DCAF4: variants seen among roughly 807,000 people sequenced by gnomAD.
DCAF4 encodes DDB1 and CUL4 associated factor 4.
In DCAF4, 37 loss-of-function variants were observed where a neutral mutation model predicts 60.9. The observed-to-expected ratio is 0.61, with a 90% CI of 0.47 to 0.80. DCAF4 has a LOEUF of 0.80. Ranked by LOEUF, DCAF4 falls within the 30% of genes least tolerant of loss-of-function variation. The probability of loss-of-function intolerance (pLI) is 0.00; values close to 1 mark genes in which losing one functional copy is unlikely to be tolerated. For synonymous variants in DCAF4, 243 were observed against 254.8 expected (o/e 0.95, Z 0.44); for missense variants, 577 against 650.0 (o/e 0.89, Z 1.22).
chr14:72,952,058 C>G (rs1891493071), intron 9 of DCAF4, among the ~76,000 whole-genome samples, 181 bp downstream of exon 9: 1 of 152,102 alleles, frequency 6.6e-6, no homozygotes, highest in Admixed American at 6.6e-5. Context: ...TTTTACCCAT[C>G]TTGGGCCATT....
chr14:72,947,715 G>A (rs1890920081), intron 8 of DCAF4, among the ~76,000 whole-genome samples: 2 of 152,198 alleles, frequency 1.3e-5, no homozygotes, highest in Admixed American at 6.5e-5. Flanking sequence ...GAAGCTGAGG[G>A]CAAGGTCAGA....
chr14:72,941,209 G>A (rs965040008), intron 4 of DCAF4, among the ~76,000 whole-genome samples: 5 of 151,972 alleles, frequency 3.3e-5, no homozygotes, highest in South Asian at 2.1e-4. Flanking sequence ...CAAGTAATCC[G>A]CCCACCTTGG....
chr14:72,951,993 G>C, intron 9 of DCAF4, 116 bp downstream of exon 9: 2 of 1,090,962 alleles, frequency 1.8e-6, no homozygotes, highest in Non-Finnish European at 2.8e-6. Context: ...GATTCCCTAA[G>C]CCTGTCCCAG....
chr14:72,939,961 G>C (rs1437210117), intron 3 of DCAF4, 59 bp downstream of exon 3: 1 of 1,451,018 alleles, frequency 6.9e-7, no homozygotes, highest in Non-Finnish European at 9.3e-7. Context: ...GCTGAGACCC[G>C]TTCCTGGCTT....
intron 7 of DCAF4, 67 bp from the exon 8 acceptor site, chr14:72,947,073 CAT>C (rs1295114107): frequency 4.5e-5 from 71 of 1,595,348 alleles, no homozygotes; most frequent in Non-Finnish European, 5.7e-5. Flanking sequence ...TGTGTCCCCA[CAT>C]GTTATTCCAC....
At chr14:72,941,241 AG>A (rs1156522179) in intron 4 of DCAF4, among the ~76,000 whole-genome samples, 1 of 152,210 alleles carries the variant, frequency 6.6e-6, no homozygotes, top group Non-Finnish European at 1.5e-5. Context: ...GTGGGATTAG[AG>A]GTGTGAGCCA....
chr14:72,937,952 T>C lies in DCAF4; in HGVS notation c.-8-19T>C. ...CCCACACACAGAGATGTATGGATTT[T>C]TTTGTTTTTCTCTTTTAGGAACAGA... On this transcript the variant is annotated intron_variant, in intron 1 of 13. Transcript: ENST00000358377. 1 of 1,575,418 alleles carries C rather than the reference T, an allele frequency of 6.3e-7. No individual in the cohort carries two copies. The highest frequency in any genetic ancestry group is 8.6e-7 in the Non-Finnish European group (1 of 1,167,456).
chr14:72,953,826 G>GTGTGTGTGTGTA, intron 9 of DCAF4, among the ~76,000 whole-genome samples: 1 of 86,586 alleles, frequency 1.2e-5, no homozygotes, highest in South Asian at 3.8e-4. Flanking sequence ...GTGTGTGTGT[G>GTGTGTGTGTGTA]TGTATATACA....
intron 1 of DCAF4, among the ~76,000 whole-genome samples, chr14:72,933,664 C>T (rs17781758): frequency 0.047 from 7,226 of 152,218 alleles, 234 homozygotes; most frequent in Non-Finnish European, 0.074. Context: ...AAATCTGTCT[C>T]TTTAGGCTCA....
At chr14:72,937,724 G>A (rs1354967430) in intron 1 of DCAF4, among the ~76,000 whole-genome samples, 1 of 152,002 alleles carries the variant, frequency 6.6e-6, no homozygotes, top group Non-Finnish European at 1.5e-5. Flanking sequence ...TGGCCGACCT[G>A]GCAACGTTTC....
At chr14:72,948,671 G>A (rs754243465) in intron 8 of DCAF4, among the ~76,000 whole-genome samples, 1 of 152,236 alleles carries the variant, frequency 6.6e-6, no homozygotes, top group Non-Finnish European at 1.5e-5. Flanking sequence ...TGGATGGTCT[G>A]TTGTAGCTTC....
chr14:72,943,188 G>A (rs1890279233), intron 6 of DCAF4, 92 bp downstream of exon 6: 6 of 1,174,812 alleles, frequency 5.1e-6, no homozygotes, highest in South Asian at 1.4e-5. Flanking sequence ...CCTGGCTCTG[G>A]AGAAGCCAAC....
intron 8 of DCAF4, among the ~76,000 whole-genome samples, chr14:72,950,666 T>A (rs1891292892): frequency 6.6e-6 from 1 of 152,036 alleles, no homozygotes; most frequent in Admixed American, 6.5e-5. Context: ...CTCCAACGAC[T>A]ATGCTCATGT....
At position 72,928,187 on chromosome 14, in the gene DCAF4, C is replaced by CTTTTTTTTTTTTTTTTTTTTTTTTTTT. The variant is rs565229070; in HGVS notation, c.-9+1667_-9+1668insTTTTTTTTTTTTTTTTTTTTTTTTTTT. On this transcript the variant is annotated intron_variant, in intron 1 of 13. Transcript: ENST00000358377. ...CCCGCTAGTCTACAGAATCCCCCCA[C>CTTTTTTTTTTTTTTTTTTTTTTTTTTT]TTTTTTTTTTTTTTTTTTTTTTTGA... 4.2e-4 allele frequency among the ~76,000 whole-genome samples: 28 copies of CTTTTTTTTTTTTTTTTTTTTTTTTTTT among 67,276 alleles called. 9 individuals carry two copies. Among genetic ancestry groups the CTTTTTTTTTTTTTTTTTTTTTTTTTTT allele is most frequent in the African/African-American group, 1.4e-3 (21 of 15,108 alleles). The allele number at this position is 67,276 out of a possible 152,430, so 44.1% of individuals were successfully genotyped here. A position where few individuals can be genotyped will look rare whatever the true frequency, so the allele number is the denominator to read the frequency against.
chr14:72,939,501 C>T (rs2140228737), intron 2 of DCAF4, among the ~76,000 whole-genome samples: 1 of 152,280 alleles, frequency 6.6e-6, no homozygotes, highest in African/African-American at 2.4e-5. Flanking sequence ...GCAGAGATTT[C>T]TATTTTTCCT....
At chr14:72,956,239 GAAC>G (rs2140312892) in intron 12 of DCAF4, 144 bp from the exon 13 acceptor site, 1 of 600,354 alleles carries the variant, frequency 1.7e-6, no homozygotes, top group East Asian at 3.2e-5. Flanking sequence ...TGCTTTTGAT[GAAC>G]AACAAGGCTC....
intron 1 of DCAF4, among the ~76,000 whole-genome samples, chr14:72,932,583 A>C (rs1170819228): frequency 2.0e-5 from 3 of 152,246 alleles, no homozygotes; most frequent in African/African-American, 7.2e-5. Flanking sequence ...CTGAAAGACA[A>C]AGGCAAGCCC....
chr14:72,933,558 C>CAA (rs34401726), intron 1 of DCAF4, among the ~76,000 whole-genome samples: 4 of 129,624 alleles, frequency 3.1e-5, no homozygotes, highest in Admixed American at 8.2e-5. Context: ...GACTCCATCT[C>CAA]AAAAAAAAAA....
chr14:72,934,777 A>G (rs569936171), intron 1 of DCAF4, among the ~76,000 whole-genome samples: 17 of 152,300 alleles, frequency 1.1e-4, no homozygotes, highest in Admixed American at 9.8e-4. Context: ...CCTCCAAGCC[A>G]GGTAGCACAG....
Sources: gnomAD v4.1 joint callset for allele counts (sites outside exome capture counted in the v4.1 genomes callset) on GRCh38, gnomAD v4.1.1 for gene constraint, MANE v1.5 for transcripts, NCBI Gene and HGNC (gene_info 2026-07-23, HGNC 2026-07-21) for gene names.